Variants in NT5DC1 observed in about 807,000 individuals in gnomAD.
NT5DC1 encodes 5'-nucleotidase domain containing 1, also known as 5'-nucleotidase domain-containing protein 1.
In NT5DC1, 42 loss-of-function variants were observed where a neutral mutation model predicts 59.4. The observed-to-expected ratio is 0.71, with a 90% CI of 0.55 to 0.92. The LOEUF (loss-of-function observed/expected upper bound fraction) is 0.92. Among genes scored for constraint, NT5DC1 ranks in the 40% least tolerant of loss-of-function variants. The pLI is 0.00. For synonymous variants in NT5DC1, 172 were observed against 188.1 expected, an observed-to-expected ratio of 0.91 and a Z score of 0.70; for missense variants, 501 against 537.1, an observed-to-expected ratio of 0.93 and a Z score of 0.66.
chr6:116,162,942 A>C (rs1421132049), intron 6 of NT5DC1, among the ~76,000 whole-genome samples: 1 of 151,858 alleles, frequency 6.6e-6, no homozygotes, highest in Non-Finnish European at 1.5e-5. Flanking sequence ...CCTAGCTAAC[A>C]TGGTGAAACC....
In NT5DC1 at chr6:116,152,160, T is replaced by G. The variant is rs537311296; in HGVS notation, c.529+34215T>G. On this transcript the variant is annotated intron_variant, in intron 6 of 11. Coordinates refer to ENST00000319550, the MANE Select transcript of NT5DC1 (RefSeq NM_152729.3). The stretch of plus-strand genomic sequence containing the variant: ...TGCAGTGCCTTCGTTTTCATTATAC[T>G]TTCAGTATGGTTGACTTCTTAAACT... Among the ~76,000 whole-genome samples, 4 of 152,328 alleles carry G rather than the reference T, an allele frequency of 2.6e-5. No homozygotes were observed. In the South Asian group the frequency reaches 8.3e-4, roughly 32 times the overall value.
At chr6:116,237,440 C>T (rs1487060584) in intron 9 of NT5DC1, 1 of 467,960 alleles carries the variant, frequency 2.1e-6, no homozygotes, top group South Asian at 1.5e-5. Flanking sequence ...TTTCTAACAG[C>T]AGAACCCTTT....
intron 6 of NT5DC1, among the ~76,000 whole-genome samples, chr6:116,172,317 C>CTTTTTTTTTTTT (rs71554843): frequency 9.3e-6 from 1 of 108,032 alleles, no homozygotes; most frequent in African/African-American, 3.6e-5. Flanking sequence ...CCCTTAGTAA[C>CTTTTTTTTTTTT]TTTTTTTTTT....
At chr6:116,120,287 ACATGAGT>A (rs757820303) in intron 6 of NT5DC1, 1 of 1,614,230 alleles carries the variant, frequency 6.2e-7, no homozygotes, top group East Asian at 2.2e-5. Context: ...GCCTACCCAA[ACATGAGT>A]CCCTTTCACA....
At chr6:116,194,214 A>G (rs566916046) in intron 6 of NT5DC1, among the ~76,000 whole-genome samples, 20 of 152,114 alleles carry the variant, frequency 1.3e-4, no homozygotes, top group Non-Finnish European at 1.8e-4. Flanking sequence ...AAGGAAATCT[A>G]TTTGATCTTT....
At chr6:116,122,055 A>G in intron 6 of NT5DC1, 1 of 1,030,538 alleles carries the variant, frequency 9.7e-7, no homozygotes, top group East Asian at 2.4e-5. Context: ...TTGGGACACG[A>G]TATTTCAGCA....
intron 6 of NT5DC1, among the ~76,000 whole-genome samples, chr6:116,138,710 A>G (rs548382624): frequency 6.6e-6 from 1 of 152,284 alleles, no homozygotes; most frequent in Non-Finnish European, 1.5e-5. Context: ...ATTATTACTA[A>G]TATATGAATC....
chr6:116,227,413 A>T (rs907373745), intron 8 of NT5DC1, among the ~76,000 whole-genome samples: 4 of 152,156 alleles, frequency 2.6e-5, no homozygotes, highest in African/African-American at 9.7e-5. Context: ...TTTGTGAATA[A>T]TGCTGTAATG....
intron 1 of NT5DC1, among the ~76,000 whole-genome samples, chr6:116,102,985 G>A (rs995708914): frequency 1.3e-5 from 2 of 152,168 alleles, no homozygotes; most frequent in Non-Finnish European, 2.9e-5. Flanking sequence ...AGTCTTTTTG[G>A]CCCTTAAAGT....
intron 6 of NT5DC1, among the ~76,000 whole-genome samples, chr6:116,186,624 T>G (rs1781005742): frequency 6.6e-6 from 1 of 152,082 alleles, no homozygotes; most frequent in African/African-American, 2.4e-5. Flanking sequence ...TTTGAAAGCC[T>G]TGTCTTCGAG....
At chr6:116,155,553 A>G (rs1780167728) in intron 6 of NT5DC1, among the ~76,000 whole-genome samples, 1 of 152,126 alleles carries the variant, frequency 6.6e-6, no homozygotes, top group African/African-American at 2.4e-5. Flanking sequence ...ATTTAAAATG[A>G]CTTTGAATCC....
intron 8 of NT5DC1, among the ~76,000 whole-genome samples, chr6:116,230,499 A>G (rs966567625): frequency 1.3e-5 from 2 of 152,190 alleles, no homozygotes; most frequent in African/African-American, 4.8e-5. Context: ...TCACCTAGAG[A>G]TCTTGTTAAA....
At chr6:116,209,521 A>G (rs981544858) in intron 6 of NT5DC1, among the ~76,000 whole-genome samples, 3 of 152,050 alleles carry the variant, frequency 2.0e-5, no homozygotes, top group Admixed American at 1.3e-4. Context: ...TGTTGATTAT[A>G]GTGTAACATG....
chr6:116,137,005 A>C (rs371529630), intron 6 of NT5DC1: 55 of 169,536 alleles, frequency 3.2e-4, no homozygotes, highest in African/African-American at 1.3e-3. Flanking sequence ...CAAACACAGG[A>C]AACAAAGCTG....
intron 6 of NT5DC1, among the ~76,000 whole-genome samples, chr6:116,134,908 G>T (rs1446440564): frequency 6.6e-6 from 1 of 152,130 alleles, no homozygotes; most frequent in Non-Finnish European, 1.5e-5. Context: ...AAAGAAAAAG[G>T]AGAAGAGCCC....
intron 6 of NT5DC1, among the ~76,000 whole-genome samples, chr6:116,165,431 CA>C (rs1780441392): frequency 6.6e-6 from 1 of 152,290 alleles, no homozygotes; most frequent in East Asian, 1.9e-4. Flanking sequence ...ATATGTTTTC[CA>C]AATTGCTTAC....
chr6:116,102,416 T>A (rs554569998), intron 1 of NT5DC1, among the ~76,000 whole-genome samples: 1 of 152,374 alleles, frequency 6.6e-6, no homozygotes, highest in East Asian at 1.9e-4. Flanking sequence ...AAGGCTTTTT[T>A]ACTGCTTGAT....
intron 6 of NT5DC1, chr6:116,118,980 G>A (rs573167291): frequency 6.6e-5 from 10 of 152,602 alleles, no homozygotes; most frequent in African/African-American, 2.4e-4. Flanking sequence ...TGAAAGAATG[G>A]TTGAGAACAG....
intron 3 of NT5DC1, among the ~76,000 whole-genome samples, chr6:116,108,886 T>G (rs1254550834): frequency 6.6e-6 from 1 of 152,226 alleles, no homozygotes; most frequent in African/African-American, 2.4e-5. Flanking sequence ...GGCCCTGTCA[T>G]GCAGGGATCA....
Sources: gnomAD v4.1 joint callset for allele counts (sites outside exome capture counted in the v4.1 genomes callset) on GRCh38, gnomAD v4.1.1 for gene constraint, MANE v1.5 for transcripts, NCBI Gene and HGNC (gene_info 2026-07-23, HGNC 2026-07-21) for gene names.